Variants in GALNT3 observed in about 807,000 individuals in gnomAD.
The protein encoded by GALNT3 is polypeptide N-acetylgalactosaminyltransferase 3.
GALNT3 carries 51 observed loss-of-function variants against 69.8 expected under a neutral mutation model. That is an observed-to-expected ratio of 0.73 (90% CI 0.58 to 0.92). The LOEUF (loss-of-function observed/expected upper bound fraction) is 0.92, where lower values mean the gene tolerates loss of function less well. Ranked by LOEUF, GALNT3 falls within the 40% of genes least tolerant of loss-of-function variation. The pLI is 0.00. For synonymous variants in GALNT3, 265 were observed against 248.5 expected (o/e 1.07, Z -0.63); for missense variants, 711 against 760.0 (o/e 0.94, Z 0.76).
intron 6 of GALNT3, among the ~76,000 whole-genome samples, chr2:165,758,130 A>C (rs182628371): frequency 6.6e-6 from 1 of 152,342 alleles, no homozygotes; most frequent in East Asian, 1.9e-4. Context: ...AACTTGGCTA[A>C]GATCATCACT....
At chr2:165,792,065 C>T (rs1336586155) in intron 1 of GALNT3, among the ~76,000 whole-genome samples, 3 of 152,164 alleles carry the variant, frequency 2.0e-5, no homozygotes, top group Non-Finnish European at 4.4e-5. Context: ...ATCATGCCAT[C>T]TCTGAGTGAA....
At chr2:165,760,646 G>A (rs1221028342) in intron 4 of GALNT3, among the ~76,000 whole-genome samples, 1 of 152,132 alleles carries the variant, frequency 6.6e-6, no homozygotes, top group Non-Finnish European at 1.5e-5. Flanking sequence ...TTTTCTAAAT[G>A]TCTGGTATTA....
At chr2:165,761,161 A>C (rs1688538842) in intron 4 of GALNT3, among the ~76,000 whole-genome samples, 1 of 152,088 alleles carries the variant, frequency 6.6e-6, no homozygotes, top group East Asian at 1.9e-4. Flanking sequence ...AAAAAGCAGC[A>C]GTACTAGGAC....
intron 1 of GALNT3, among the ~76,000 whole-genome samples, chr2:165,783,792 G>T (rs1032735572): frequency 3.9e-5 from 6 of 152,042 alleles, no homozygotes; most frequent in Admixed American, 6.6e-5. Context: ...CTCAATATTT[G>T]TAAGTCTCCC....
chr2:165,788,949 G>T lies in GALNT3; in HGVS notation c.-109+5066C>A, dbSNP rs150427104. ...AAAGATCATCCTCATCCTCCAGATG[G>T]TGGACTTGAGGTTGACAACACTATC... On this transcript the variant is annotated intron_variant, in intron 1 of 10. Transcript: ENST00000392701. 4.6e-5 allele frequency among the ~76,000 whole-genome samples: 7 copies of T among 152,290 alleles called. No homozygotes were observed. The East Asian group carries it at 1.3e-3, about 29-fold the overall frequency.
chr2:165,778,067 T>C (rs1156924105), intron 1 of GALNT3, among the ~76,000 whole-genome samples: 1 of 152,212 alleles, frequency 6.6e-6, no homozygotes, highest in Non-Finnish European at 1.5e-5. Flanking sequence ...TGATAGAATC[T>C]TGATTTGTGA....
Position 165,794,201 on chromosome 2 carries a change from A to T in GALNT3, c.-295T>A, listed in dbSNP as rs111425435. The stretch of plus-strand genomic sequence containing the variant: ...GCTGGGCCTCCCGCGTTGCCTGGAG[A>T]GGCAGAACCGAGGCTCGGCTTCCAC... On this transcript the variant is annotated 5_prime_UTR_variant, in exon 1 of 11. Coordinates refer to ENST00000392701, the MANE Select transcript of GALNT3 (RefSeq NM_004482.4). 0.027 allele frequency: 4,131 copies of T among 152,750 alleles called. 94 individuals carry two copies. The highest frequency in any genetic ancestry group is 0.041 in the Non-Finnish European group (2,801 of 68,248). 9.5% of individuals were successfully genotyped at this position (152,750 alleles called of 1,614,324 possible).
At chr2:165,751,340 T>C (rs1688354442) in intron 9 of GALNT3, among the ~76,000 whole-genome samples, 1 of 152,130 alleles carries the variant, frequency 6.6e-6, no homozygotes, top group South Asian at 2.1e-4. Flanking sequence ...CTACTCTTAG[T>C]CTCATGCTTA....
In GALNT3 at chr2:165,764,998, C is replaced by A. The variant is rs1252717801; in HGVS notation, c.574G>T (p.Val192Phe). The A allele has an allele frequency of 9.3e-6, 15 of 1,614,050 alleles. No homozygotes were observed. Among genetic ancestry groups the A allele is most frequent in the Non-Finnish European group, 1.3e-5 (15 of 1,180,036 alleles). ...PPLPTTSVII[V>F]FHNEAWSTLL... ...GTGGACCACGCTTCATTATGAAAAACTATTATGACACTGGTGGTGGGCAGG... is the reference window on the plus strand; with the variant it reads ...GTGGACCACGCTTCATTATGAAAAAATATTATGACACTGGTGGTGGGCAGG... Residue 192 changes from valine (V) to phenylalanine (F), a missense_variant, in exon 3 of 11, where the codon GTT becomes TTT. By Grantham distance (50) the Val-to-Phe change is conservative (BLOSUM62 -1). Coordinates refer to ENST00000392701, the MANE Select transcript of GALNT3 (RefSeq NM_004482.4).
intron 1 of GALNT3, among the ~76,000 whole-genome samples, chr2:165,775,871 C>T (rs1044482064): frequency 6.6e-6 from 1 of 152,128 alleles, no homozygotes; most frequent in East Asian, 1.9e-4. Flanking sequence ...CAAAGGCAAC[C>T]ACATTACTAA....
intron 5 of GALNT3, 64 bp downstream of exon 5, chr2:165,759,272 G>A: frequency 7.9e-7 from 1 of 1,267,580 alleles, no homozygotes; most frequent in Non-Finnish European, 1.1e-6. Flanking sequence ...AAAGCAAACA[G>A]TGTGTACATA....
intron 1 of GALNT3, among the ~76,000 whole-genome samples, chr2:165,774,026 T>A (rs1190908231): frequency 6.6e-6 from 1 of 152,066 alleles, no homozygotes; most frequent in East Asian, 1.9e-4. Flanking sequence ...AGGCTTAGGA[T>A]TCAGGGCACT....
At chr2:165,792,841 C>G (rs542016700) in intron 1 of GALNT3, among the ~76,000 whole-genome samples, 25 of 152,116 alleles carry the variant, frequency 1.6e-4, no homozygotes, top group African/African-American at 5.8e-4. Context: ...ATTTTAGCCA[C>G]AAACGCAAAG....
intron 1 of GALNT3, among the ~76,000 whole-genome samples, chr2:165,784,558 T>C (rs1184728803): frequency 6.6e-6 from 1 of 152,020 alleles, no homozygotes; most frequent in Admixed American, 6.6e-5. Context: ...TGTTGAAAGG[T>C]GCTAGCTAGC....
intron 1 of GALNT3, among the ~76,000 whole-genome samples, chr2:165,792,136 A>C (rs1257886901): frequency 2.0e-5 from 3 of 152,206 alleles, no homozygotes; most frequent in Non-Finnish European, 4.4e-5. Flanking sequence ...TGAGTATTGA[A>C]TCTCCAAAGT....
intron 4 of GALNT3, among the ~76,000 whole-genome samples, chr2:165,760,690 C>A (rs565127551): frequency 1.3e-5 from 2 of 152,170 alleles, no homozygotes; most frequent in African/African-American, 2.4e-5. Flanking sequence ...CTAAGCAACA[C>A]AAGCACATCC....
intron 9 of GALNT3, among the ~76,000 whole-genome samples, chr2:165,750,226 C>T (rs1183266728): frequency 1.3e-5 from 2 of 152,090 alleles, no homozygotes; most frequent in African/African-American, 2.4e-5. Context: ...GCCTCTCTCC[C>T]ACAAGTGTTC....
intron 3 of GALNT3, among the ~76,000 whole-genome samples, chr2:165,762,272 T>C (rs1213918918): frequency 6.6e-6 from 1 of 152,186 alleles, no homozygotes; most frequent in Non-Finnish European, 1.5e-5. Context: ...AACACTGTAA[T>C]GCATACTTAT....
chr2:165,793,850 C>A (rs1683405286), intron 1 of GALNT3, 165 bp downstream of exon 1: 1 of 152,688 alleles, frequency 6.5e-6, no homozygotes, highest in African/African-American at 2.4e-5. Flanking sequence ...GCGCCCCTTT[C>A]GGGATCTCTC....
Sources: allele counts gnomAD v4.1 joint callset (sites outside exome capture counted in the v4.1 genomes callset), GRCh38; gene constraint gnomAD v4.1.1; transcripts MANE v1.5; gene names NCBI Gene and HGNC (gene_info 2026-07-23, HGNC 2026-07-21).